Variants in CRKL observed in about 807,000 individuals in gnomAD.
The protein encoded by CRKL is crk-like protein.
CRKL carries 3 observed loss-of-function variants against 23.0 expected under a neutral mutation model. The ratio of observed to expected loss-of-function variants is 0.13; its 90% CI spans 0.06 to 0.34. The LOEUF is 0.34. Among genes scored for constraint, CRKL ranks in the 10% least tolerant of loss-of-function variants. The pLI, the probability that CRKL is intolerant of heterozygous loss-of-function variation, is 1.00. For synonymous variants in CRKL, 188 were observed against 160.7 expected (o/e 1.17, Z -1.28); for missense variants, 256 against 394.5 (o/e 0.65, Z 2.97).
chr22:20,920,215 G>GT (rs947603559), intron 1 of CRKL, among the ~76,000 whole-genome samples: 3 of 152,102 alleles, frequency 2.0e-5, no homozygotes, highest in Non-Finnish European at 4.4e-5. Flanking sequence ...CAAAAAGCAA[G>GT]TTAATGGGCG....
At chr22:20,946,716 CT>C (rs970406657) in intron 2 of CRKL, among the ~76,000 whole-genome samples, 45 of 73,384 alleles carry the variant, frequency 6.1e-4, no homozygotes, top group South Asian at 3.4e-3. Flanking sequence ...TAGAGCACCC[CT>C]CCCTCCAAAA....
chr22:20,928,412 G>A (rs1457498323), intron 1 of CRKL, among the ~76,000 whole-genome samples: 2 of 148,994 alleles, frequency 1.3e-5, no homozygotes, highest in African/African-American at 2.5e-5. Flanking sequence ...AGCCATGATC[G>A]TACTGCTGCA....
intron 1 of CRKL, among the ~76,000 whole-genome samples, chr22:20,932,644 T>C (rs1921497015): frequency 1.3e-5 from 2 of 151,558 alleles, no homozygotes; most frequent in Admixed American, 1.3e-4. Flanking sequence ...AATCAAAAGG[T>C]TTCTGTAAAA....
chr22:20,948,248 GTCT>G (rs1218733821), intron 2 of CRKL, among the ~76,000 whole-genome samples: 2 of 152,102 alleles, frequency 1.3e-5, no homozygotes, highest in Non-Finnish European at 2.9e-5. Flanking sequence ...TCTTCCCGTA[GTCT>G]TCTTTGGCTG....
chr22:20,945,149 A>T (rs910168377), intron 2 of CRKL, among the ~76,000 whole-genome samples: 11 of 151,366 alleles, frequency 7.3e-5, no homozygotes, highest in African/African-American at 2.4e-4. Flanking sequence ...GCCTCCTACC[A>T]CGCCCGGCTA....
rs946651034 is a variant in CRKL at position 20,920,871 on chromosome 22, G to A, written c.311+2626G>A. ...GCCTTTCTCTGACCCTACCCCTCAC[G>A]TTCAGCTTTGTTTCTCCTTCTCTGT... On this transcript the variant is annotated intron_variant, in intron 1 of 2. Coordinates refer to ENST00000354336, the MANE Select transcript of CRKL (RefSeq NM_005207.4). 5.3e-5 allele frequency among the ~76,000 whole-genome samples: 8 copies of A among 152,098 alleles called. No individual in the cohort carries two copies. The East Asian group carries it at 1.4e-3, about 26-fold the overall frequency.
At chr22:20,941,584 A>ATTTTTTTTTTTTTTTTTTTTTT (rs1921881721) in intron 2 of CRKL, among the ~76,000 whole-genome samples, 1 of 15,404 alleles carries the variant, frequency 6.5e-5, no homozygotes, top group African/African-American at 1.7e-4. Context: ...GTGTGTATAT[A>ATTTTTTTTTTTTTTTTTTTTTT]TATATTTTTT....
intron 2 of CRKL, among the ~76,000 whole-genome samples, chr22:20,936,143 G>A (rs1050895665): frequency 3.3e-5 from 5 of 152,124 alleles, no homozygotes; most frequent in African/African-American, 9.7e-5. Context: ...CTGGGCAATA[G>A]GGTGAGACCC....
chr22:20,928,812 CAAAAAAAAAAAAAA>C (rs57896414), intron 1 of CRKL, among the ~76,000 whole-genome samples: 1 of 81,572 alleles, frequency 1.2e-5, no homozygotes, highest in African/African-American at 4.8e-5. Context: ...GATCCCATCT[CAAAAAAAAAAAAAA>C]AAAAAAAAAA....
intron 2 of CRKL, among the ~76,000 whole-genome samples, chr22:20,945,902 C>T (rs1922039516): frequency 6.6e-6 from 1 of 152,210 alleles, no homozygotes; most frequent in African/African-American, 2.4e-5. Flanking sequence ...AGGATGATAC[C>T]TGTCTGGTGA....
intron 2 of CRKL, among the ~76,000 whole-genome samples, chr22:20,936,222 AC>A (rs1328066951): frequency 6.6e-6 from 1 of 152,058 alleles, no homozygotes; most frequent in Non-Finnish European, 1.5e-5. Flanking sequence ...GAAGTAAGGG[AC>A]CCTCTTGCTT....
chr22:20,949,913 C>G lies in CRKL; in HGVS notation c.*68C>G. ...CCTAGTCTCCTTTGAAGTGGGAAAG[C>G]ATTTTCTCTCATAGGCAAGTCACAC... On this transcript the variant is annotated 3_prime_UTR_variant, in exon 3 of 3. Coordinates refer to ENST00000354336, the MANE Select transcript of CRKL (RefSeq NM_005207.4). 1 of 1,536,004 alleles carries G rather than the reference C, an allele frequency of 6.5e-7. No homozygotes were observed. Among genetic ancestry groups the G allele is most frequent in the Non-Finnish European group, 8.7e-7 (1 of 1,145,982 alleles).
At chr22:20,935,450 G>T (rs1192569011) in intron 2 of CRKL, among the ~76,000 whole-genome samples, 2 of 151,906 alleles carry the variant, frequency 1.3e-5, no homozygotes, top group Non-Finnish European at 2.9e-5. Context: ...GCCCTTGCTT[G>T]TTATGGATTT....
At chr22:20,930,606 T>C (rs909396007) in intron 1 of CRKL, among the ~76,000 whole-genome samples, 2 of 150,660 alleles carry the variant, frequency 1.3e-5, no homozygotes, top group Non-Finnish European at 3.0e-5. Flanking sequence ...GGTCTTGAAC[T>C]CCTGACCTCA....
chr22:20,921,790 G>A (rs1921001437), intron 1 of CRKL, among the ~76,000 whole-genome samples: 1 of 150,060 alleles, frequency 6.7e-6, no homozygotes, highest in African/African-American at 2.5e-5. Flanking sequence ...CTCACTGCAA[G>A]CTCCGCCTCC....
intron 2 of CRKL, among the ~76,000 whole-genome samples, chr22:20,941,947 GC>G (rs1445858277): frequency 5.3e-5 from 8 of 152,088 alleles, no homozygotes; most frequent in Admixed American, 2.0e-4. Flanking sequence ...TTCAGGCAGG[GC>G]CTGTCCCATC....
In CRKL at chr22:20,953,487, A is replaced by C. The variant is rs1184070740; in HGVS notation, c.*3642A>C. 4.3e-6 allele frequency: 1 copy of C among 231,146 alleles called. No homozygotes were observed. The highest frequency in any genetic ancestry group is 8.6e-6 in the Non-Finnish European group (1 of 116,614). 14.3% of individuals were successfully genotyped at this position (231,146 alleles called of 1,614,324 possible). ...TTTGACCTGTAACTTAAAGATCATA[A>C]ACTTCAGGCAATAATATTTTCTGTG... On this transcript the variant is annotated 3_prime_UTR_variant, in exon 3 of 3. Coordinates refer to ENST00000354336, the MANE Select transcript of CRKL (RefSeq NM_005207.4).
At chr22:20,918,958 C>T (rs1337290525) in intron 1 of CRKL, among the ~76,000 whole-genome samples, 1 of 132,728 alleles carries the variant, frequency 7.5e-6, no homozygotes, top group South Asian at 3.0e-4. Flanking sequence ...CACCCCACCC[C>T]CACCCCCACC....
rs763322278 is a variant in CRKL, at chr22:20,918,000, G to C, written c.66G>C (p.Gln22His). 6.2e-7 allele frequency: 1 copy of C among 1,614,110 alleles called. No homozygotes were observed. The highest frequency in any genetic ancestry group is 1.3e-5 in the African/African-American group (1 of 74,956). Residue 22 changes from glutamine (Q) to histidine (H), a missense_variant, in exon 1 of 3, where the codon CAG (glutamine) becomes CAC (histidine). This residue lies in a region of CRKL where 85 missense variants were observed against 139.8 expected (regional missense o/e 0.61). Transcript: ENST00000354336. ...GGTATATGGGGCCGGTGTCTCGCCA[G>C]GAGGCGCAGACCCGGCTCCAGGGCC... The part of the protein sequence containing the change: ...SAWYMGPVSR[Q>H]EAQTRLQGQR...
Sources: allele counts gnomAD v4.1 joint callset (sites outside exome capture counted in the v4.1 genomes callset), GRCh38; gene constraint gnomAD v4.1.1; regional missense constraint gnomAD v4.1.1; transcripts MANE v1.5; gene names NCBI Gene and HGNC (gene_info 2026-07-23, HGNC 2026-07-21).